The following BRAF variants were observed in gnomAD, a reference collection of about 807,000 sequenced individuals.
BRAF encodes the protein B-Raf proto-oncogene, serine/threonine kinase.
A neutral mutation model predicts 104.6 loss-of-function variants in BRAF; 16 were observed. The observed-to-expected ratio is 0.15, with a 90% confidence interval of 0.10 to 0.23. The LOEUF is 0.23. BRAF is among the 10% of genes least tolerant of loss of function. BRAF has a pLI of 1.00. For missense variants in BRAF, 541 were observed against 937.3 expected (o/e 0.58, Z 5.52); for synonymous variants, 310 against 341.6 (o/e 0.91, Z 1.02).
Position 140,725,905 on chromosome 7 carries a change from C to T in BRAF, c.*589G>A. 4 of 1,062,466 alleles carry T rather than the reference C, an allele frequency of 3.8e-6. No homozygotes were observed. Among genetic ancestry groups the T allele is most frequent in the Non-Finnish European group, 4.6e-6 (4 of 877,598 alleles). 65.8% of individuals were successfully genotyped at this position (1,062,466 alleles called of 1,614,324 possible). A position where few individuals can be genotyped will look rare whatever the true frequency, so the allele number is the denominator to read the frequency against. The stretch of plus-strand genomic sequence containing the variant: ...ACACATCTACTCACCACTCAGCCTC[C>T]ATTTAAATAAAATAGTTTCCTTTTG... On this transcript the variant is annotated 3_prime_UTR_variant, in exon 20 of 20. Coordinates refer to ENST00000644969, the MANE Select transcript of BRAF (RefSeq NM_001374258.1).
At chr7:140,735,261 G>A (rs1218380606) in intron 18 of BRAF, among the ~76,000 whole-genome samples, 1 of 152,204 alleles carries the variant, frequency 6.6e-6, no homozygotes, top group Non-Finnish European at 1.5e-5. Context: ...ACACCTAATT[G>A]AAAGCAGAAC....
rs144189253 is a variant in BRAF, at chr7:140,720,305, T to C, written c.*6189A>G. The C allele has an allele frequency of 3.8e-6, 4 of 1,062,724 alleles. No individual in the cohort carries two copies. In the East Asian group the frequency reaches 2.0e-4, roughly 54 times the overall value. The allele number at this position is 1,062,724 out of a possible 1,614,324, so 65.8% of individuals were successfully genotyped here. On this transcript the variant is annotated 3_prime_UTR_variant, in exon 20 of 20. Transcript: ENST00000644969. ...CCAAACTGAGTCTATATATGTGGCA[T>C]GGCCAAAGGAAACACGGAGGACCCA... is the stretch of plus-strand genomic sequence containing the variant.
At chr7:140,854,344 T>C (rs1407984200) in intron 1 of BRAF, among the ~76,000 whole-genome samples, 2 of 152,224 alleles carry the variant, frequency 1.3e-5, no homozygotes, top group Non-Finnish European at 2.9e-5. Context: ...CCTCATGATT[T>C]ATTTTGGTGT....
chr7:140,891,969 A>G (rs980311502), intron 1 of BRAF, among the ~76,000 whole-genome samples: 9 of 152,212 alleles, frequency 5.9e-5, no homozygotes, highest in African/African-American at 2.2e-4. Context: ...ATTTAGACAA[A>G]GGTAAGGCCA....
intron 18 of BRAF, 138 bp from the exon 18 acceptor site, chr7:140,734,908 A>G (rs1796286573): frequency 2.2e-6 from 2 of 922,362 alleles, no homozygotes; most frequent in Non-Finnish European, 3.1e-6. Flanking sequence ...CTTTACAAGA[A>G]AGCACCTGAA....
intron 1 of BRAF, among the ~76,000 whole-genome samples, chr7:140,872,149 A>C (rs1327586882): frequency 6.6e-6 from 1 of 152,122 alleles, no homozygotes; most frequent in Non-Finnish European, 1.5e-5. Context: ...TGGAAGGTGG[A>C]GGCTGCAGTG....
intron 2 of BRAF, among the ~76,000 whole-genome samples, chr7:140,849,616 G>A (rs1454983582): frequency 1.3e-5 from 2 of 151,404 alleles, no homozygotes; most frequent in Non-Finnish European, 2.9e-5. Context: ...TTCGAGACCA[G>A]CCTGGCCAAT....
chr7:140,835,022 A>G (rs1291697927), intron 2 of BRAF, 150 bp from the exon 3 acceptor site: 1 of 786,920 alleles, frequency 1.3e-6, no homozygotes, highest in African/African-American at 1.7e-5. Flanking sequence ...GAAATACTAT[A>G]AATGAATACT....
Position 140,777,289 on chromosome 7 carries a change from A to G in BRAF, c.1638-201T>C, listed in dbSNP as rs71645983. 1.9e-4 allele frequency among the ~76,000 whole-genome samples: 29 copies of G among 152,280 alleles called. No individual in the cohort carries two copies. The East Asian group carries it at 5.2e-3, about 27-fold the overall frequency. On this transcript the variant is annotated intron_variant, in intron 13 of 19. Transcript: ENST00000644969. ...CTACTTTATGCAGAGATATCTTTTTAAATATATCTGACAGGCAACTAGAGG... is the reference window on the plus strand; with the variant it reads ...CTACTTTATGCAGAGATATCTTTTTGAATATATCTGACAGGCAACTAGAGG...
At chr7:140,787,454 T>C (rs1801506063) in intron 9 of BRAF, 94 bp downstream of exon 9, 1 of 1,340,548 alleles carries the variant, frequency 7.5e-7, no homozygotes, top group Non-Finnish European at 1.1e-6. Context: ...TTTCTCTGTG[T>C]CTGTTACTTG....
intron 1 of BRAF, among the ~76,000 whole-genome samples, chr7:140,855,667 T>G (rs915297641): frequency 1.3e-5 from 2 of 151,748 alleles, no homozygotes; most frequent in African/African-American, 2.4e-5. Flanking sequence ...CTTATATATC[T>G]TCTAAATTAC....
At position 140,721,812 on chromosome 7, in the gene BRAF, T is replaced by C; in HGVS notation, c.*4682A>G. ...TCTTTTACATCCAATGGCCAGGTCA[T>C]AAAGGATGCCTTGAGACCTCCACCC... On this transcript the variant is annotated 3_prime_UTR_variant, in exon 20 of 20. Coordinates refer to ENST00000644969, the MANE Select transcript of BRAF (RefSeq NM_001374258.1). 1 of 1,402,034 alleles carries C rather than the reference T, an allele frequency of 7.1e-7. No homozygotes were observed. The highest frequency in any genetic ancestry group is 1.5e-5 in the African/African-American group (1 of 68,122). 86.8% of individuals were successfully genotyped at this position (1,402,034 alleles called of 1,614,324 possible). A position where few individuals can be genotyped will look rare whatever the true frequency, so the allele number is the denominator to read the frequency against.
Position 140,891,058 on chromosome 7 carries a change from T to C in BRAF, c.138+33508A>G, listed in dbSNP as rs565694633. On this transcript the variant is annotated intron_variant, in intron 1 of 19. Transcript: ENST00000644969. Reference sequence around the variant, plus strand: ...TGCCCTCAAAGATTTGAACTCACAGTACAGTAGAGGTATACAGTTATAGGC... The same window carrying C: ...TGCCCTCAAAGATTTGAACTCACAGCACAGTAGAGGTATACAGTTATAGGC... Among the ~76,000 whole-genome samples the C allele has an allele frequency of 7.2e-5, 11 of 152,338 alleles. No individual in the cohort carries two copies. The East Asian group carries it at 2.1e-3, about 29-fold the overall frequency.
rs139188060 is a variant in BRAF at position 140,899,048 on chromosome 7, G to A, written c.138+25518C>T. On this transcript the variant is annotated intron_variant, in intron 1 of 19. Coordinates refer to ENST00000644969, the MANE Select transcript of BRAF (RefSeq NM_001374258.1). ...ATCTACTGCACTACTGAGGATACTT[G>A]AACTTTTTTTCTATCTTGGGGTTAA... is the stretch of plus-strand genomic sequence containing the variant. Among the ~76,000 whole-genome samples, 1,432 of 152,166 alleles carry A rather than the reference G, an allele frequency of 9.4e-3. 16 individuals carry two copies. Among genetic ancestry groups the A allele is most frequent in the Non-Finnish European group, 0.015 (1,038 of 67,996 alleles).
At chr7:140,795,313 C>T (rs1393446353) in intron 7 of BRAF, among the ~76,000 whole-genome samples, 1 of 152,008 alleles carries the variant, frequency 6.6e-6, no homozygotes, top group South Asian at 2.1e-4. Context: ...GGATGTAGCC[C>T]CTCAGAAAGG....
Position 140,855,793 on chromosome 7 carries a change from G to A in BRAF, c.139-5581C>T, listed in dbSNP as rs538463335. 1.7e-3 allele frequency among the ~76,000 whole-genome samples: 251 copies of A among 152,086 alleles called. 1 individual carries two copies. In the South Asian group the frequency reaches 0.02, roughly 12 times the overall value. On this transcript the variant is annotated intron_variant, in intron 1 of 19. Transcript: ENST00000644969. Reference sequence around the variant, plus strand: ...CCAGCACTTTGGGAGGCTGAGGCAGGTGGATAACCTGAGGCCAGGAGTTTG... The same window carrying A: ...CCAGCACTTTGGGAGGCTGAGGCAGATGGATAACCTGAGGCCAGGAGTTTG...
intron 1 of BRAF, among the ~76,000 whole-genome samples, chr7:140,915,319 TCTAAAA>T (rs1817497352): frequency 6.6e-6 from 1 of 152,052 alleles, no homozygotes. Flanking sequence ...ATTAAGCAGT[TCTAAAA>T]CTATAAAGTA....
At chr7:140,772,168 A>G (rs576237185) in intron 14 of BRAF, among the ~76,000 whole-genome samples, 1 of 152,326 alleles carries the variant, frequency 6.6e-6, no homozygotes, top group Admixed American at 6.5e-5. Flanking sequence ...AATCTGTTAC[A>G]AAATCAGCAG....
chr7:140,727,172 C>T (rs961684984), intron 19 of BRAF, among the ~76,000 whole-genome samples: 4 of 134,656 alleles, frequency 3.0e-5, no homozygotes, highest in Non-Finnish European at 4.5e-5. Context: ...GGGCTTCATG[C>T]CATTATTTTT....
Sources: allele counts gnomAD v4.1 joint callset (sites outside exome capture counted in the v4.1 genomes callset), GRCh38; gene constraint gnomAD v4.1.1; transcripts MANE v1.5; gene names NCBI Gene and HGNC (gene_info 2026-07-23, HGNC 2026-07-21).